Variants in WIF1 observed in about 807,000 individuals in gnomAD.
The protein encoded by WIF1 is Wnt inhibitory factor 1.
In WIF1, 35 loss-of-function variants were observed where a neutral mutation model predicts 53.5. That is an observed-to-expected ratio of 0.65 (90% confidence interval 0.50 to 0.87). The LOEUF is 0.87. WIF1 is among the 40% of genes least tolerant of loss of function. WIF1 has a pLI of 0.00. For synonymous variants in WIF1, 171 were observed against 170.4 expected, an observed-to-expected ratio of 1.00 and a Z score of -0.03; for missense variants, 467 against 476.8, an observed-to-expected ratio of 0.98 and a Z score of 0.19.
intron 2 of WIF1, among the ~76,000 whole-genome samples, chr12:65,084,787 C>T (rs1053984777): frequency 2.6e-5 from 4 of 152,094 alleles, no homozygotes; most frequent in Non-Finnish European, 4.4e-5. Flanking sequence ...TGGCATTAGC[C>T]TCTGATTCTA....
At chr12:65,119,662 C>T (rs1334902448) in intron 2 of WIF1, among the ~76,000 whole-genome samples, 2 of 152,066 alleles carry the variant, frequency 1.3e-5, no homozygotes. Context: ...CATTGCTTAC[C>T]ATTTGTCCTC....
chr12:65,112,419 C>CAT (rs1883446043), intron 2 of WIF1, among the ~76,000 whole-genome samples: 1 of 149,280 alleles, frequency 6.7e-6, no homozygotes, highest in South Asian at 2.1e-4. Context: ...CACACACACA[C>CAT]ACACACACAC....
At chr12:65,111,044 G>A (rs1362013929) in intron 2 of WIF1, among the ~76,000 whole-genome samples, 1 of 152,192 alleles carries the variant, frequency 6.6e-6, no homozygotes, top group Non-Finnish European at 1.5e-5. Context: ...ACGTGCAAAG[G>A]CCCTGAGGCA....
intron 9 of WIF1, among the ~76,000 whole-genome samples, chr12:65,054,386 T>C (rs1882492829): frequency 6.6e-6 from 1 of 152,204 alleles, no homozygotes; most frequent in Non-Finnish European, 1.5e-5. Context: ...GGCAGGGCCT[T>C]TTCTGTCTGT....
intron 2 of WIF1, among the ~76,000 whole-genome samples, chr12:65,096,218 A>C (rs1048873569): frequency 4.6e-5 from 7 of 152,228 alleles, no homozygotes; most frequent in Non-Finnish European, 1.0e-4. Flanking sequence ...ATGAACAGAC[A>C]CTTCTCAAAA....
Position 65,121,195 on chromosome 12 carries a change from G to A in WIF1, c.-4C>T. ...GGAAGGCGCTCCTCCGGGCCATGCTGCTCAGGACCTCCTCGCTGCCGGGAA... is the reference window on the plus strand; with the variant it reads ...GGAAGGCGCTCCTCCGGGCCATGCTACTCAGGACCTCCTCGCTGCCGGGAA... On this transcript the variant is annotated 5_prime_UTR_variant, in exon 1 of 10. Coordinates refer to ENST00000286574, the MANE Select transcript of WIF1 (RefSeq NM_007191.5). 1 of 1,496,348 alleles carries A rather than the reference G, an allele frequency of 6.7e-7. No individual in the cohort carries two copies. Among genetic ancestry groups the A allele is most frequent in the South Asian group, 1.3e-5 (1 of 76,710 alleles). 92.7% of individuals were successfully genotyped at this position (1,496,348 alleles called of 1,614,324 possible).
chr12:65,072,240 A>G (rs1023240709), intron 3 of WIF1, among the ~76,000 whole-genome samples: 23 of 152,230 alleles, frequency 1.5e-4, no homozygotes, highest in Middle Eastern at 6.8e-3. Flanking sequence ...TCCTTACTGC[A>G]CACCCAGGTG....
intron 3 of WIF1, among the ~76,000 whole-genome samples, chr12:65,073,159 C>G (rs560865845): frequency 9.2e-5 from 14 of 152,314 alleles, no homozygotes; most frequent in African/African-American, 3.4e-4. Flanking sequence ...CTCCACACCA[C>G]ATGATCATGA....
At chr12:65,058,964 A>G (rs1002977967) in intron 7 of WIF1, among the ~76,000 whole-genome samples, 1 of 152,152 alleles carries the variant, frequency 6.6e-6, no homozygotes, top group African/African-American at 2.4e-5. Flanking sequence ...TGGCAGAAGA[A>G]TCGCTTGAAC....
chr12:65,076,891 A>C (rs1045637736), intron 3 of WIF1, among the ~76,000 whole-genome samples: 2 of 150,626 alleles, frequency 1.3e-5, no homozygotes, highest in Admixed American at 6.6e-5. Flanking sequence ...TTAAAAGGTT[A>C]AAAGCAAAAA....
chr12:65,092,296 G>C (rs550878390), intron 2 of WIF1, among the ~76,000 whole-genome samples: 2 of 151,568 alleles, frequency 1.3e-5, no homozygotes, highest in South Asian at 4.2e-4. Flanking sequence ...GGGGTGGGGG[G>C]CTAGGGGAAG....
At chr12:65,066,900 G>C (rs1303047718) in intron 5 of WIF1, among the ~76,000 whole-genome samples, 164 bp from the exon 6 acceptor site, 1 of 147,134 alleles carries the variant, frequency 6.8e-6, no homozygotes, top group Non-Finnish European at 1.5e-5. Context: ...TTATTTTTGT[G>C]GTATAAATTA....
chr12:65,116,418 A>G (rs1486106744), intron 2 of WIF1, among the ~76,000 whole-genome samples: 1 of 151,874 alleles, frequency 6.6e-6, no homozygotes, highest in Non-Finnish European at 1.5e-5. Context: ...TGCACCTTTT[A>G]TGAGAATCTA....
In WIF1 at chr12:65,117,642, C is replaced by T. The variant is rs531362451; in HGVS notation, c.288+2775G>A. 3.3e-5 allele frequency among the ~76,000 whole-genome samples: 5 copies of T among 152,286 alleles called. No homozygotes were observed. The South Asian group carries it at 1.0e-3, about 32-fold the overall frequency. On this transcript the variant is annotated intron_variant, in intron 2 of 9. Coordinates refer to ENST00000286574, the MANE Select transcript of WIF1 (RefSeq NM_007191.5). ...TGTAATATGTAATGAAATAAGCATA[C>T]AACTCACCATCATGTAGAATCAGTG...
Position 65,062,521 on chromosome 12 carries a change from A to G in WIF1, c.786T>C (p.Cys262=). The G allele has an allele frequency of 6.2e-7, 1 of 1,609,002 alleles. No individual in the cohort carries two copies. The highest frequency in any genetic ancestry group is 8.5e-7 in the Non-Finnish European group (1 of 1,177,292). ...NGGTCFYPGK[C]ICPPGLEGEQ... is the part of the protein sequence containing the mutation. ...CTCCCTCTAGTCCTGGAGGGCAAATACATTTTCCAGGGTAGAAACAGGTCC... is the reference window on the plus strand; with the variant it reads ...CTCCCTCTAGTCCTGGAGGGCAAATGCATTTTCCAGGGTAGAAACAGGTCC... Residue 262 remains cysteine (C), a synonymous_variant, in exon 7 of 10, where the codon TGT becomes TGC. Coordinates refer to ENST00000286574, the MANE Select transcript of WIF1 (RefSeq NM_007191.5).
chr12:65,087,837 A>C (rs898785144), intron 2 of WIF1, among the ~76,000 whole-genome samples: 28 of 152,138 alleles, frequency 1.8e-4, no homozygotes, highest in African/African-American at 6.8e-4. Context: ...GGAAAAAAAA[A>C]GTCTGTAACC....
At chr12:65,057,998 A>G (rs576461838) in intron 7 of WIF1, among the ~76,000 whole-genome samples, 2 of 152,274 alleles carry the variant, frequency 1.3e-5, no homozygotes, top group East Asian at 3.9e-4. Flanking sequence ...GCCGTTAGAC[A>G]CTGAGGTTTT....
chr12:65,066,283 A>T (rs566716291), intron 6 of WIF1, among the ~76,000 whole-genome samples: 11 of 152,196 alleles, frequency 7.2e-5, no homozygotes, highest in South Asian at 2.1e-4. Context: ...TTAATTAATT[A>T]ATTTATTTTT....
chr12:65,089,799 T>C (rs901293278), intron 2 of WIF1, among the ~76,000 whole-genome samples: 1 of 152,186 alleles, frequency 6.6e-6, no homozygotes, highest in African/African-American at 2.4e-5. Flanking sequence ...GCTTCTTTCC[T>C]GTCCCCTTCC....
Sources: gnomAD v4.1 joint callset for allele counts (sites outside exome capture counted in the v4.1 genomes callset) on GRCh38, gnomAD v4.1.1 for gene constraint, MANE v1.5 for transcripts, NCBI Gene and HGNC (gene_info 2026-07-23, HGNC 2026-07-21) for gene names.